GFOD1: variants seen among roughly 807,000 people sequenced by gnomAD.
GFOD1 encodes the protein glucose-fructose oxidoreductase domain-containing protein 1.
GFOD1 carries 9 observed loss-of-function variants against 25.4 expected under a neutral mutation model. The observed-to-expected ratio is 0.35, with a 90% CI of 0.21 to 0.62. GFOD1 has a LOEUF of 0.62. Ranked by LOEUF, GFOD1 falls within the 20% of genes least tolerant of loss-of-function variation. The pLI, the probability that GFOD1 is intolerant of heterozygous loss-of-function variation, is 0.72. For synonymous variants in GFOD1, 253 were observed against 245.6 expected, an observed-to-expected ratio of 1.03 and a Z score of -0.28; for missense variants, 403 against 556.9, an observed-to-expected ratio of 0.72 and a Z score of 2.78.
intron 1 of GFOD1, among the ~76,000 whole-genome samples, chr6:13,377,088 A>G (rs1785271460): frequency 6.6e-6 from 1 of 152,100 alleles, no homozygotes; most frequent in Admixed American, 6.6e-5. Flanking sequence ...AAATGCAAAA[A>G]TCCAGAAACA....
intron 1 of GFOD1, among the ~76,000 whole-genome samples, chr6:13,366,275 G>A (rs1382447857): frequency 6.6e-6 from 1 of 151,936 alleles, no homozygotes; most frequent in Non-Finnish European, 1.5e-5. Flanking sequence ...CAAATCTCTG[G>A]GCTCAAGCAA....
chr6:13,358,343 T>G lies in GFOD1; in HGVS notation c.*6400A>C, dbSNP rs1465572075. On this transcript the variant is annotated 3_prime_UTR_variant, in exon 2 of 2. Coordinates refer to ENST00000379287, the MANE Select transcript of GFOD1 (RefSeq NM_018988.4). ...ATACATATACATACATATATACTCATGTTTGTAAAACACAATAAATATATA... is the reference window on the plus strand; with the variant it reads ...ATACATATACATACATATATACTCAGGTTTGTAAAACACAATAAATATATA... 6.6e-6 allele frequency: 1 copy of G among 152,166 alleles called. No individual in the cohort carries two copies. Among genetic ancestry groups the G allele is most frequent in the Admixed American group, 6.6e-5 (1 of 15,262 alleles). 9.4% of individuals were successfully genotyped at this position (152,166 alleles called of 1,614,324 possible).
At chr6:13,417,687 G>T (rs1786185448) in intron 1 of GFOD1, among the ~76,000 whole-genome samples, 1 of 152,226 alleles carries the variant, frequency 6.6e-6, no homozygotes, top group African/African-American at 2.4e-5. Context: ...ACAACATCAG[G>T]CTCAAAACAG....
intron 1 of GFOD1, among the ~76,000 whole-genome samples, chr6:13,483,444 G>A (rs1758798532): frequency 6.6e-6 from 1 of 152,204 alleles, no homozygotes; most frequent in Non-Finnish European, 1.5e-5. Context: ...GTGAGGCTGG[G>A]CATGTCACGC....
chr6:13,415,540 C>G (rs1217008738), intron 1 of GFOD1, among the ~76,000 whole-genome samples: 1 of 152,176 alleles, frequency 6.6e-6, no homozygotes, highest in Non-Finnish European at 1.5e-5. Flanking sequence ...TTTCAGAAGC[C>G]TTCCTACTTC....
intron 1 of GFOD1, among the ~76,000 whole-genome samples, chr6:13,401,457 G>A (rs1451894176): frequency 6.6e-6 from 1 of 152,134 alleles, no homozygotes; most frequent in Non-Finnish European, 1.5e-5. Context: ...AGTTAGAGAT[G>A]CTAGCTATGG....
At chr6:13,459,985 T>C (rs1400845821) in intron 1 of GFOD1, among the ~76,000 whole-genome samples, 2 of 152,068 alleles carry the variant, frequency 1.3e-5, no homozygotes, top group Non-Finnish European at 2.9e-5. Context: ...AATATAAAAA[T>C]TAACTGGGCA....
chr6:13,379,831 T>C (rs192713186), intron 1 of GFOD1, among the ~76,000 whole-genome samples: 7 of 152,284 alleles, frequency 4.6e-5, no homozygotes, highest in African/African-American at 1.7e-4. Context: ...TGCCTATTAG[T>C]AAAGCAGCCC....
At chr6:13,411,803 C>T (rs185094107) in intron 1 of GFOD1, among the ~76,000 whole-genome samples, 72 of 152,322 alleles carry the variant, frequency 4.7e-4, no homozygotes, top group African/African-American at 1.2e-3. Context: ...TTCTACAACC[C>T]GCTCATTGAC....
intron 1 of GFOD1, among the ~76,000 whole-genome samples, chr6:13,384,013 G>A (rs935695590): frequency 8.5e-5 from 13 of 152,176 alleles, no homozygotes; most frequent in Non-Finnish European, 1.8e-4. Context: ...GATCACCCGA[G>A]GTCAGGAGTT....
Position 13,482,338 on chromosome 6 carries a change from T to A in GFOD1, c.253+4300A>T, listed in dbSNP as rs551231075. The stretch of plus-strand genomic sequence containing the variant: ...AAATTTAATACATTTAATATATTTT[T>A]AAAATAATATTTAAATTTTAACATA... On this transcript the variant is annotated intron_variant, in intron 1 of 1. Transcript: ENST00000379287. Among the ~76,000 whole-genome samples the A allele has an allele frequency of 2.9e-4, 44 of 149,900 alleles. 1 individual carries two copies. The highest frequency in any genetic ancestry group is 2.1e-3 in the East Asian group (11 of 5,158).
chr6:13,449,368 C>A (rs2127573523), intron 1 of GFOD1, among the ~76,000 whole-genome samples: 1 of 152,316 alleles, frequency 6.6e-6, no homozygotes, highest in South Asian at 2.1e-4. Context: ...ACAGTGCATA[C>A]TCTCCTCTCC....
intron 1 of GFOD1, among the ~76,000 whole-genome samples, chr6:13,437,682 T>C (rs1290361454): frequency 6.6e-6 from 1 of 152,188 alleles, no homozygotes; most frequent in Non-Finnish European, 1.5e-5. Context: ...CTAGCAATCA[T>C]GTAACAGATG....
intron 1 of GFOD1, among the ~76,000 whole-genome samples, chr6:13,424,795 T>G (rs1317605114): frequency 1.3e-5 from 2 of 152,142 alleles, no homozygotes; most frequent in Non-Finnish European, 2.9e-5. Flanking sequence ...AAAACAAATT[T>G]GGAATTATCC....
intron 1 of GFOD1, among the ~76,000 whole-genome samples, chr6:13,366,396 C>T (rs1785048166): frequency 6.6e-6 from 1 of 152,068 alleles, no homozygotes; most frequent in Non-Finnish European, 1.5e-5. Flanking sequence ...AGTGCAATGG[C>T]ACCATCTCGG....
chr6:13,412,502 G>A (rs1209126517), intron 1 of GFOD1, among the ~76,000 whole-genome samples: 1 of 152,218 alleles, frequency 6.6e-6, no homozygotes, highest in Non-Finnish European at 1.5e-5. Context: ...GAATACAAAG[G>A]TTGACTGGTA....
chr6:13,429,122 A>G (rs1248467867), intron 1 of GFOD1, among the ~76,000 whole-genome samples: 1 of 152,240 alleles, frequency 6.6e-6, no homozygotes, highest in East Asian at 1.9e-4. Context: ...AGACCCCAGC[A>G]GAAATCAAGA....
At position 13,361,042 on chromosome 6, in the gene GFOD1, T is replaced by C. The variant is rs1208765589; in HGVS notation, c.*3701A>G. On this transcript the variant is annotated 3_prime_UTR_variant, in exon 2 of 2. Transcript: ENST00000379287. ...ACCCAACACTATAGGGTTGTTTTTATGGATTGTATGAGATAACATACTTAA... is the reference window on the plus strand; with the variant it reads ...ACCCAACACTATAGGGTTGTTTTTACGGATTGTATGAGATAACATACTTAA... 2 of 359,806 alleles carry C rather than the reference T, an allele frequency of 5.6e-6. No individual in the cohort carries two copies. Among genetic ancestry groups the C allele is most frequent in the Non-Finnish European group, 1.1e-5 (2 of 181,824 alleles). 22.3% of individuals were successfully genotyped at this position (359,806 alleles called of 1,614,324 possible).
At chr6:13,423,953 G>A (rs1562214724) in intron 1 of GFOD1, among the ~76,000 whole-genome samples, 1 of 152,122 alleles carries the variant, frequency 6.6e-6, no homozygotes, top group Non-Finnish European at 1.5e-5. Flanking sequence ...CTGCCTCCTG[G>A]GTTCAAGTGA....
Sources: allele counts gnomAD v4.1 joint callset (sites outside exome capture counted in the v4.1 genomes callset), GRCh38; gene constraint gnomAD v4.1.1; transcripts MANE v1.5; gene names NCBI Gene and HGNC (gene_info 2026-07-23, HGNC 2026-07-21).